PCDH11Y: variants seen among roughly 807,000 people sequenced by gnomAD.
PCDH11Y encodes the protein protocadherin-11 Y-linked.
For synonymous variants in PCDH11Y, 9 were observed against 83.6 expected (o/e 0.11, Z 4.87); for missense variants, 12 against 224.8 (o/e 0.05, Z 6.05).
intron 2 of PCDH11Y, among the ~76,000 whole-genome samples, chrY:5,160,051 A>ATAATATAAT: frequency 3.9e-5 from 1 of 25,606 alleles, no homozygotes; most frequent in South Asian, 8.3e-4. Flanking sequence ...ATAATATAAT[A>ATAATATAAT]TAATATAATA....
intron 2 of PCDH11Y, among the ~76,000 whole-genome samples, chrY:5,116,815 T>C: frequency 3.0e-5 from 1 of 32,974 alleles, no homozygotes; most frequent in African/African-American, 1.2e-4. Context: ...ATTTCAAATT[T>C]CATGGTCCGT....
At chrY:5,140,778 A>G (rs2052847407) in intron 2 of PCDH11Y, among the ~76,000 whole-genome samples, 1 of 32,868 alleles carries the variant, frequency 3.0e-5, no homozygotes, top group African/African-American at 1.2e-4. Flanking sequence ...ACTTTTAATA[A>G]AGGAAAGTTA....
At chrY:5,633,043 C>T (rs2124703877) in intron 4 of PCDH11Y, among the ~76,000 whole-genome samples, 1 of 32,071 alleles carries the variant, frequency 3.1e-5, no homozygotes, top group Non-Finnish European at 7.6e-5. Context: ...CTTTTCCTCA[C>T]CCCAAGAAAG....
At chrY:5,327,690 G>C in intron 2 of PCDH11Y, among the ~76,000 whole-genome samples, 4 of 32,649 alleles carry the variant, frequency 1.2e-4, no homozygotes, top group Admixed American at 1.1e-3. Context: ...TTGGGGAGAA[G>C]GGTGGCAATG....
chrY:5,469,336 A>G, intron 2 of PCDH11Y, among the ~76,000 whole-genome samples: 1 of 33,349 alleles, frequency 3.0e-5, no homozygotes, highest in African/African-American at 1.2e-4. Context: ...TTAATTTATT[A>G]TGTATCTTTT....
chrY:5,439,800 C>T, intron 2 of PCDH11Y, among the ~76,000 whole-genome samples: 1 of 34,065 alleles, frequency 2.9e-5, no homozygotes, highest in East Asian at 7.9e-4. Context: ...ATGACCCTGA[C>T]TTATACTTTA....
At chrY:5,081,040 TA>T (rs2052718556) in intron 1 of PCDH11Y, among the ~76,000 whole-genome samples, 1 of 29,790 alleles carries the variant, frequency 3.4e-5, no homozygotes, top group Admixed American at 3.1e-4. Context: ...TTAATTTTGG[TA>T]AAAGGTGTAA....
intron 2 of PCDH11Y, among the ~76,000 whole-genome samples, chrY:5,156,141 T>C (rs2052869338): frequency 4.4e-5 from 1 of 22,520 alleles, no homozygotes; most frequent in Non-Finnish European, 9.1e-5. Context: ...GTGGGCATGG[T>C]GTATGTGTCT....
chrY:5,613,356 C>T, intron 4 of PCDH11Y, among the ~76,000 whole-genome samples: 1 of 32,317 alleles, frequency 3.1e-5, no homozygotes, highest in African/African-American at 1.2e-4. Context: ...GTTAAGAGAT[C>T]CTCACCCTGA....
At chrY:5,699,309 C>A (rs1302055989) in intron 4 of PCDH11Y, among the ~76,000 whole-genome samples, 2 of 34,208 alleles carry the variant, frequency 5.8e-5, no homozygotes, top group Non-Finnish European at 1.5e-4. Context: ...GGGACCCACT[C>A]AACAAAGTAC....
At chrY:5,051,091 G>A (rs2052651022), upstream of PCDH11Y, among the ~76,000 whole-genome samples, 1 of 32,278 alleles carries the variant, frequency 3.1e-5, no homozygotes, top group Non-Finnish European at 7.6e-5. Flanking sequence ...TCCTTTACAC[G>A]AGGGACCTTT....
intron 2 of PCDH11Y, among the ~76,000 whole-genome samples, chrY:5,163,082 G>GA (rs2052875901): frequency 3.5e-5 from 1 of 28,766 alleles, no homozygotes; most frequent in Non-Finnish European, 8.4e-5. Context: ...CAATGATAAA[G>GA]AAAAAAAAAT....
At chrY:5,611,736 G>T (rs1602951176) in intron 4 of PCDH11Y, among the ~76,000 whole-genome samples, 1 of 26,152 alleles carries the variant, frequency 3.8e-5, no homozygotes, top group Non-Finnish European at 9.0e-5. Flanking sequence ...GTTTACCTAA[G>T]CAAGCCTGGG....
chrY:5,302,069 TTCCAACA>T (rs2053083088), intron 2 of PCDH11Y, among the ~76,000 whole-genome samples: 1 of 31,516 alleles, frequency 3.2e-5, no homozygotes, highest in Non-Finnish European at 7.7e-5. Flanking sequence ...TTCATGCTAC[TTCCAACA>T]ATATATAACC....
At chrY:5,107,855 C>T (rs1602868451), downstream of PCDH11Y, among the ~76,000 whole-genome samples, 2 of 30,692 alleles carry the variant, frequency 6.5e-5, no homozygotes, top group East Asian at 8.6e-4. Flanking sequence ...GTCAGGAGAT[C>T]GAGACCATCC....
chrY:5,436,000 T>A, intron 2 of PCDH11Y, among the ~76,000 whole-genome samples: 1 of 33,944 alleles, frequency 2.9e-5, no homozygotes, highest in Admixed American at 2.7e-4. Context: ...TTTTAGTTTA[T>A]ATTAATTTCT....
At chrY:5,416,672 G>C (rs760684003) in intron 2 of PCDH11Y, among the ~76,000 whole-genome samples, 16 of 31,369 alleles carry the variant, frequency 5.1e-4, no homozygotes, top group Non-Finnish European at 1.1e-3. Context: ...AGATTTTCTT[G>C]AACAAGTATA....
At chrY:5,375,633 A>G (rs2053197098) in intron 2 of PCDH11Y, among the ~76,000 whole-genome samples, 1 of 32,846 alleles carries the variant, frequency 3.0e-5, no homozygotes, top group Non-Finnish European at 7.4e-5. Flanking sequence ...GAGCCTTCCA[A>G]TCCATGAACA....
intron 4 of PCDH11Y, among the ~76,000 whole-genome samples, chrY:5,708,662 A>G: frequency 3.0e-5 from 1 of 33,392 alleles, no homozygotes; most frequent in Non-Finnish European, 7.4e-5. Context: ...AAAAAATAGA[A>G]AGCAAAAAGC....
Sources: gnomAD v4.1 joint callset for allele counts (sites outside exome capture counted in the v4.1 genomes callset) on GRCh38, gnomAD v4.1.1 for gene constraint, MANE v1.5 for transcripts, NCBI Gene and HGNC (gene_info 2026-07-23, HGNC 2026-07-21) for gene names.